Variants in LRRIQ4 observed in about 807,000 individuals in gnomAD.
LRRIQ4 encodes leucine rich repeats and IQ motif containing 4.
LRRIQ4 carries 21 observed loss-of-function variants against 40.1 expected under a neutral mutation model. That is an observed-to-expected ratio of 0.52 (90% confidence interval 0.37 to 0.75). LRRIQ4 has a LOEUF of 0.75. Among genes scored for constraint, LRRIQ4 ranks in the 30% least tolerant of loss-of-function variants. LRRIQ4 has a pLI of 0.00. For synonymous variants in LRRIQ4, 277 were observed against 277.1 expected (o/e 1.00, Z 0.00); for missense variants, 655 against 660.0 (o/e 0.99, Z 0.08).
chr3:169,820,974 A>G (rs1287821013), intron 1 of LRRIQ4, among the ~76,000 whole-genome samples: 1 of 152,196 alleles, frequency 6.6e-6, no homozygotes, highest in East Asian at 1.9e-4. Flanking sequence ...CCCACACATG[A>G]CTGTTAAAAG....
At chr3:169,830,405 A>AAAAAAAAAAAAAAAAC (rs1780138944) in intron 3 of LRRIQ4, 87 bp from the exon 4 acceptor site, 1 of 571,288 alleles carries the variant, frequency 1.8e-6, no homozygotes, top group Non-Finnish European at 2.5e-6. Flanking sequence ...AAAAAAAAAA[A>AAAAAAAAAAAAAAAAC]AAAATGCATG....
chr3:169,822,780 C>G lies in LRRIQ4; in HGVS notation c.859C>G (p.Leu287Val), dbSNP rs762012379. Residue 287 changes from leucine (L) to valine (V), a missense_variant, in exon 2 of 6, where the codon CTG (leucine) becomes GTG (valine). Physicochemically the swap from Leu to Val is conservative, Grantham distance 32. Transcript: ENST00000340806. ...CRWTSLHLLY[L>V]GNTGLHRLRG... ...GTGGACCTCGCTGCACCTGCTCTAC[C>G]TGGGAAACACCGGCCTGCACAGGCT... The G allele has an allele frequency of 6.2e-7, 1 of 1,613,586 alleles. No individual in the cohort carries two copies. The highest frequency in any genetic ancestry group is 8.5e-7 in the Non-Finnish European group (1 of 1,179,744).
intron 1 of LRRIQ4, among the ~76,000 whole-genome samples, chr3:169,820,460 G>GAA (rs145060444): frequency 1.5e-5 from 2 of 135,012 alleles, no homozygotes; most frequent in Admixed American, 7.3e-5. Flanking sequence ...TACCAAAAAA[G>GAA]AAAAAAAAAA....
chr3:169,815,638 C>A (rs1779749393), intron 1 of LRRIQ4, among the ~76,000 whole-genome samples: 1 of 152,098 alleles, frequency 6.6e-6, no homozygotes, highest in South Asian at 2.1e-4. Context: ...ATATCTTTCT[C>A]TTCTCTAATT....
At chr3:169,816,761 C>G (rs1779779422) in intron 1 of LRRIQ4, among the ~76,000 whole-genome samples, 1 of 151,442 alleles carries the variant, frequency 6.6e-6, no homozygotes, top group African/African-American at 2.4e-5. Flanking sequence ...ACCTCTGCCT[C>G]CTGGGTTCAA....
chr3:169,829,236 G>A (rs1780109311), intron 3 of LRRIQ4, among the ~76,000 whole-genome samples: 1 of 152,076 alleles, frequency 6.6e-6, no homozygotes, highest in African/African-American at 2.4e-5. Context: ...CTTTTTATAA[G>A]TAGCCCCCTG....
chr3:169,825,025 T>G (rs1465731671), intron 2 of LRRIQ4, among the ~76,000 whole-genome samples: 2 of 117,626 alleles, frequency 1.7e-5, no homozygotes, highest in Non-Finnish European at 3.4e-5. Context: ...TTTTTTTTTT[T>G]GAGATGAGCT....
intron 2 of LRRIQ4, among the ~76,000 whole-genome samples, chr3:169,825,308 T>TA (rs1410743797): frequency 7.2e-5 from 11 of 152,192 alleles, no homozygotes; most frequent in Admixed American, 3.9e-4. Flanking sequence ...GCCCGGCTGC[T>TA]AAAAAAATCT....
chr3:169,831,314 C>G (rs1405460363), intron 4 of LRRIQ4, among the ~76,000 whole-genome samples: 3 of 121,794 alleles, frequency 2.5e-5, no homozygotes, highest in Admixed American at 1.0e-4. Context: ...CGCTCTGTCG[C>G]TCAGGCTGGA....
intron 2 of LRRIQ4, among the ~76,000 whole-genome samples, chr3:169,828,088 C>T (rs1288477489): frequency 6.6e-6 from 1 of 152,144 alleles, no homozygotes; most frequent in African/African-American, 2.4e-5. Context: ...AGTCATATCA[C>T]TAAATTTATT....
intron 1 of LRRIQ4, among the ~76,000 whole-genome samples, chr3:169,820,169 T>C (rs1330004726): frequency 6.6e-6 from 1 of 152,008 alleles, no homozygotes; most frequent in African/African-American, 2.4e-5. Context: ...ACTGCCTTCA[T>C]TCTAAAAAGA....
chr3:169,832,631 CAAAAAA>C (rs3047516), intron 4 of LRRIQ4, among the ~76,000 whole-genome samples: 14 of 67,366 alleles, frequency 2.1e-4, no homozygotes, highest in Admixed American at 3.4e-4. Context: ...GACTCTGTCT[CAAAAAA>C]AAAAAAAAAA....
chr3:169,822,141 A>G lies in LRRIQ4; in HGVS notation c.220A>G (p.Arg74Gly). 2.5e-6 allele frequency: 4 copies of G among 1,613,104 alleles called. No homozygotes were observed. Among genetic ancestry groups the G allele is most frequent in the Non-Finnish European group, 3.4e-6 (4 of 1,179,710 alleles). The change falls in exon 2 of 6, where the codon AGG (arginine) becomes GGG (glycine). Residue 74 changes from arginine (R) to glycine (G), a missense_variant. Arg to Gly is a moderately radical substitution (Grantham distance 125, BLOSUM62 -2). Transcript: ENST00000340806. ...GGAGATTCAGCGTTTAAAGAACATC[A>G]GGGTCCTCTACCTGGATAAGAACAA... ...PQEIQRLKNIRVLYLDKNNLR... is the reference protein window; with the variant it reads ...PQEIQRLKNIGVLYLDKNNLR...
chr3:169,833,541 C>T (rs554588591), intron 5 of LRRIQ4, among the ~76,000 whole-genome samples: 8 of 152,204 alleles, frequency 5.3e-5, no homozygotes, highest in East Asian at 1.9e-4. Flanking sequence ...GAAATGAAAG[C>T]GTTTATAGAT....
At position 169,822,352 on chromosome 3, in the gene LRRIQ4, T is replaced by A; in HGVS notation, c.431T>A (p.Leu144His). 6.2e-7 allele frequency: 1 copy of A among 1,613,526 alleles called. No homozygotes were observed. The highest frequency in any genetic ancestry group is 8.5e-7 in the Non-Finnish European group (1 of 1,179,692). Residue 144 changes from leucine to histidine, a missense_variant, in exon 2 of 6, where the codon CTC (leucine) becomes CAC (histidine). Physicochemically the swap from Leu to His is moderately conservative, Grantham distance 99. Coordinates refer to ENST00000340806, the MANE Select transcript of LRRIQ4 (RefSeq NM_001080460.3). ...GTCATCTTTAAAAACCTCCACCATC[T>A]CGAGCTGCTCGGACTGACCGGAAAC... is the stretch of plus-strand genomic sequence containing the variant. ...PVVIFKNLHH[L>H]ELLGLTGNHL... is the part of the protein sequence containing the mutation.
At position 169,822,946 on chromosome 3, in the gene LRRIQ4, G is replaced by A. The variant is rs183333468; in HGVS notation, c.1020+5G>A. The stretch of plus-strand genomic sequence containing the variant: ...GATGACAATAAAATAGGACAGGTAC[G>A]GATTCCTTTTCTGGCTGTCACTATG... On this transcript the variant is annotated splice_donor_5th_base_variant and intron_variant, in intron 2 of 5. Transcript: ENST00000340806. The A allele has an allele frequency of 6.6e-7, 1 of 1,511,130 alleles. No individual in the cohort carries two copies. The highest frequency in any genetic ancestry group is 1.4e-5 in the African/African-American group (1 of 71,768). The allele number at this position is 1,511,130 out of a possible 1,614,324, so 93.6% of individuals were successfully genotyped here. A position where few individuals can be genotyped will look rare whatever the true frequency, so the allele number is the denominator to read the frequency against.
At chr3:169,828,967 CTG>C in intron 3 of LRRIQ4, 35 bp downstream of exon 3, 1 of 1,555,182 alleles carries the variant, frequency 6.4e-7, no homozygotes, top group African/African-American at 1.4e-5. Context: ...TAAGAAGCAC[CTG>C]TCACTGCCTC....
chr3:169,814,745 A>G (rs1372318175), intron 1 of LRRIQ4, among the ~76,000 whole-genome samples: 1 of 152,130 alleles, frequency 6.6e-6, no homozygotes, highest in Non-Finnish European at 1.5e-5. Flanking sequence ...TCTGCCGCCC[A>G]AAGTGCTGGG....
chr3:169,835,554 G>A (rs2108188104), intron 5 of LRRIQ4, among the ~76,000 whole-genome samples: 1 of 152,224 alleles, frequency 6.6e-6, no homozygotes, highest in East Asian at 1.9e-4. Flanking sequence ...ATGGAAGCTG[G>A]AGCTCAGGAA....
Sources: gnomAD v4.1 joint callset for allele counts (sites outside exome capture counted in the v4.1 genomes callset) on GRCh38, gnomAD v4.1.1 for gene constraint, MANE v1.5 for transcripts, NCBI Gene and HGNC (gene_info 2026-07-23, HGNC 2026-07-21) for gene names.